Variants in POU1F1 observed in about 807,000 individuals in gnomAD.
POU1F1 encodes the protein POU class 1 homeobox 1, also known as pituitary-specific positive transcription factor 1.
POU1F1 carries 23 observed loss-of-function variants against 32.3 expected under a neutral mutation model. The ratio of observed to expected loss-of-function variants is 0.71; its 90% CI spans 0.51 to 1.01. The LOEUF (loss-of-function observed/expected upper bound fraction) is 1.01. POU1F1 is among the 50% of genes least tolerant of loss of function. The pLI is 0.00. For synonymous variants in POU1F1, 120 were observed against 115.6 expected, an observed-to-expected ratio of 1.04 and a Z score of -0.25; for missense variants, 323 against 341.6, an observed-to-expected ratio of 0.95 and a Z score of 0.43.
At position 87,261,334 on chromosome 3, in the gene POU1F1, C is replaced by T; in HGVS notation, c.605-1G>A. The T allele has an allele frequency of 2.5e-6, 4 of 1,587,642 alleles. No homozygotes were observed. The highest frequency in any genetic ancestry group is 2.2e-5 in the South Asian group (2 of 89,314). On this transcript the variant is annotated splice_acceptor_variant, in intron 4 of 5. Coordinates refer to ENST00000350375, the MANE Select transcript of POU1F1 (RefSeq NM_000306.4). LOFTEE classifies it high-confidence loss of function. ...GCTCCCACTTTTTCATTGTACAAAGCTATAATGTGGAAAAGAGAGATAATT... is the reference window on the plus strand; with the variant it reads ...GCTCCCACTTTTTCATTGTACAAAGTTATAATGTGGAAAAGAGAGATAATT...
intron 1 of POU1F1, 103 bp downstream of exon 1, chr3:87,276,218 G>A: frequency 7.0e-7 from 1 of 1,431,128 alleles, no homozygotes; most frequent in Non-Finnish European, 9.8e-7. Context: ...AATTGGAGGG[G>A]TAAAATGAAA....
intron 2 of POU1F1, among the ~76,000 whole-genome samples, chr3:87,267,040 T>TCTA (rs1706633062): frequency 6.6e-6 from 1 of 152,288 alleles, no homozygotes; most frequent in Admixed American, 6.5e-5. Flanking sequence ...ACACTTTAGA[T>TCTA]AACTCATTTA....
In POU1F1 at chr3:87,273,397, A is replaced by G. The variant is rs1346719674; in HGVS notation, c.164T>C (p.Val55Ala). 6.2e-7 allele frequency: 1 copy of G among 1,613,042 alleles called. No individual in the cohort carries two copies. The highest frequency in any genetic ancestry group is 1.7e-5 in the Admixed American group (1 of 59,884). ...CTGGTTTCCATAATGACAGGAAGGA[A>G]CAGAATAATGAAGTCCTGTTGCTGT... ...MSTATGLHYS[V>A]PSCHYGNQPS... Residue 55 changes from valine (V) to alanine (A), a missense_variant, in exon 2 of 6, where the codon GTT becomes GCT. Val to Ala is a moderately conservative substitution (Grantham distance 64). Coordinates refer to ENST00000350375, the MANE Select transcript of POU1F1 (RefSeq NM_000306.4).
chr3:87,262,389 T>C (rs1404996005), intron 3 of POU1F1, among the ~76,000 whole-genome samples, 154 bp from the exon 4 acceptor site: 1 of 152,226 alleles, frequency 6.6e-6, no homozygotes, highest in African/African-American at 2.4e-5. Flanking sequence ...GTAAGATTCA[T>C]TATACTTTGA....
rs1399604099 is a variant in POU1F1, at chr3:87,259,784, A to G, written c.*110T>C. On this transcript the variant is annotated 3_prime_UTR_variant, in exon 6 of 6. Transcript: ENST00000350375. ...AAAAGTGGAAAAGTAAAGCTTCTGT[A>G]AAAGCTATTGATATAAAATGATTTT... 1 of 886,574 alleles carries G rather than the reference A, an allele frequency of 1.1e-6. No homozygotes were observed. The highest frequency in any genetic ancestry group is 1.8e-6 in the Non-Finnish European group (1 of 569,106). 54.9% of individuals were successfully genotyped at this position (886,574 alleles called of 1,614,324 possible). A position where few individuals can be genotyped will look rare whatever the true frequency, so the allele number is the denominator to read the frequency against.
In POU1F1 at chr3:87,259,746, CT is replaced by C. The variant is rs369739158; in HGVS notation, c.*147del. Reference sequence around the variant, plus strand: ...TCAATATAATTTAAATTGTTGGTTTCTTTTTTTTAAAAAAAAGTGGAAAAGT... The same window carrying C: ...TCAATATAATTTAAATTGTTGGTTTCTTTTTTTAAAAAAAAGTGGAAAAGT... On this transcript the variant is annotated 3_prime_UTR_variant, in exon 6 of 6. Coordinates refer to ENST00000350375, the MANE Select transcript of POU1F1 (RefSeq NM_000306.4). 827 of 654,594 alleles carry C rather than the reference CT, an allele frequency of 1.3e-3. 2 individuals are homozygous for C. Among genetic ancestry groups the C allele is most frequent in the Admixed American group, 2.0e-3 (67 of 33,504 alleles). 40.5% of individuals were successfully genotyped at this position (654,594 alleles called of 1,614,324 possible). A position where few individuals can be genotyped will look rare whatever the true frequency, so the allele number is the denominator to read the frequency against.
Position 87,259,855 on chromosome 3 carries a change from T to C in POU1F1, c.*39A>G. On this transcript the variant is annotated 3_prime_UTR_variant, in exon 6 of 6. Transcript: ENST00000350375. The stretch of plus-strand genomic sequence containing the variant: ...GTTTTTGTTGAGGAAGAGAAAGGAA[T>C]GAAACGGGAGAAAAAGGCTATTATA... 1 of 1,540,814 alleles carries C rather than the reference T, an allele frequency of 6.5e-7. No homozygotes were observed. Among genetic ancestry groups the C allele is most frequent in the Non-Finnish European group, 9.0e-7 (1 of 1,114,730 alleles).
intron 2 of POU1F1, among the ~76,000 whole-genome samples, chr3:87,268,327 G>T (rs560764369): frequency 6.6e-6 from 1 of 151,460 alleles, no homozygotes; most frequent in Non-Finnish European, 1.5e-5. Flanking sequence ...GGCTATTCTC[G>T]GACTCCTGAC....
chr3:87,276,270 T>G, intron 1 of POU1F1, 51 bp downstream of exon 1: 1 of 1,573,962 alleles, frequency 6.4e-7, no homozygotes. Flanking sequence ...AAAGCATTCA[T>G]TCTGAAATAT....
Position 87,270,642 on chromosome 3 carries a change from C to T in POU1F1, c.214+2705G>A, listed in dbSNP as rs774631146. Among the ~76,000 whole-genome samples, 70 of 152,030 alleles carry T rather than the reference C, an allele frequency of 4.6e-4. 2 individuals carry two copies. The highest frequency in any genetic ancestry group is 4.9e-4 in the Non-Finnish European group (33 of 68,012). On this transcript the variant is annotated intron_variant, in intron 2 of 5. Coordinates refer to ENST00000350375, the MANE Select transcript of POU1F1 (RefSeq NM_000306.4). ...TTATATAGAGTATGTGACACCGTGTCGTTGTTGTTGTTAAGACACTTCTGT... is the reference window on the plus strand; with the variant it reads ...TTATATAGAGTATGTGACACCGTGTTGTTGTTGTTGTTAAGACACTTCTGT...
chr3:87,261,186 T>C (rs1424977899), intron 5 of POU1F1, 87 bp downstream of exon 5: 2 of 1,005,546 alleles, frequency 2.0e-6, no homozygotes, highest in Non-Finnish European at 3.0e-6. Context: ...ATTTATATGT[T>C]ATGTTACACC....
At chr3:87,261,608 C>G (rs572547745) in intron 4 of POU1F1, among the ~76,000 whole-genome samples, 1 of 152,172 alleles carries the variant, frequency 6.6e-6, no homozygotes, top group African/African-American at 2.4e-5. Context: ...AAACCTCACT[C>G]TTTATCAGGC....
chr3:87,268,999 G>A (rs1706677204), intron 2 of POU1F1, among the ~76,000 whole-genome samples: 1 of 152,008 alleles, frequency 6.6e-6, no homozygotes, highest in South Asian at 2.1e-4. Flanking sequence ...ATCATCTCAC[G>A]TTACTGGCTT....
Position 87,263,794 on chromosome 3 carries a change from G to T in POU1F1, c.439+494C>A, listed in dbSNP as rs575024155. Among the ~76,000 whole-genome samples the T allele has an allele frequency of 3.9e-5, 6 of 152,000 alleles. No homozygotes were observed. The East Asian group carries it at 9.7e-4, about 25-fold the overall frequency. The stretch of plus-strand genomic sequence containing the variant: ...AACTTGACAGCCCCACAAAGGAAAA[G>T]GAGCTCTAGAAAAATTACTACTGAA... On this transcript the variant is annotated intron_variant, in intron 3 of 5. Transcript: ENST00000350375.
intron 2 of POU1F1, among the ~76,000 whole-genome samples, chr3:87,265,151 G>A (rs1706594063): frequency 6.6e-6 from 1 of 151,968 alleles, no homozygotes; most frequent in African/African-American, 2.4e-5. Context: ...GGCTTGAGGA[G>A]TGATTAAATA....
rs1295259240 is a variant in POU1F1, at chr3:87,264,302, C to T, written c.425G>A (p.Arg142Lys). The T allele has an allele frequency of 6.2e-7, 1 of 1,611,464 alleles. No individual in the cohort carries two copies. Among genetic ancestry groups the T allele is most frequent in the South Asian group, 1.1e-5 (1 of 91,034 alleles). The change falls in exon 3 of 6, where the codon AGA becomes AAA. Residue 142 changes from arginine (R) to lysine (K), a missense_variant. Physicochemically the swap from Arg to Lys is conservative, Grantham distance 26. Transcript: ENST00000350375. ...CAAGCACATACCTAATTTAATTCGT[C>T]TCACTTTAAATTCATTGGCAAACTT... ...LEKFANEFKV[R>K]RIKLGYTQTN...
At chr3:87,270,421 G>A (rs1000235489) in intron 2 of POU1F1, among the ~76,000 whole-genome samples, 1 of 152,086 alleles carries the variant, frequency 6.6e-6, no homozygotes, top group African/African-American at 2.4e-5. Flanking sequence ...ACGTACAGTG[G>A]ATTCATCTGA....
intron 1 of POU1F1, among the ~76,000 whole-genome samples, chr3:87,274,582 T>C (rs1390820073): frequency 6.6e-6 from 1 of 151,570 alleles, no homozygotes; most frequent in African/African-American, 2.4e-5. Context: ...TTATAATTAA[T>C]AGCTCAAAAG....
At chr3:87,274,109 C>CCATT (rs72549223) in intron 1 of POU1F1, among the ~76,000 whole-genome samples, 22 of 152,148 alleles carry the variant, frequency 1.4e-4, no homozygotes, top group African/African-American at 5.3e-4. Context: ...ATTGATACAA[C>CCATT]CATTCTAATG....
Sources: gnomAD v4.1 joint callset for allele counts (sites outside exome capture counted in the v4.1 genomes callset) on GRCh38, gnomAD v4.1.1 for gene constraint, MANE v1.5 for transcripts, NCBI Gene and HGNC (gene_info 2026-07-23, HGNC 2026-07-21) for gene names.